NCOA7: variants seen among roughly 807,000 people sequenced by gnomAD.
NCOA7 encodes nuclear receptor coactivator 7.
In NCOA7, 45 loss-of-function variants were observed where a neutral mutation model predicts 104.3. The observed-to-expected ratio is 0.43, with a 90% CI of 0.34 to 0.55. The LOEUF is 0.55. Ranked by LOEUF, NCOA7 falls within the 20% of genes least tolerant of loss-of-function variation. NCOA7 has a pLI of 0.02. For missense variants in NCOA7, 1,041 were observed against 1,119.7 expected (o/e 0.93, Z 1.00); for synonymous variants, 398 against 402.3 (o/e 0.99, Z 0.13).
At chr6:125,892,509 A>G (rs900540367) in intron 10 of NCOA7, among the ~76,000 whole-genome samples, 3 of 152,106 alleles carry the variant, frequency 2.0e-5, no homozygotes, top group Non-Finnish European at 2.9e-5. Flanking sequence ...CATCTCTACT[A>G]AAAACACAAA....
intron 8 of NCOA7, among the ~76,000 whole-genome samples, chr6:125,887,827 A>G (rs1423284830): frequency 6.6e-6 from 1 of 152,214 alleles, no homozygotes; most frequent in Non-Finnish European, 1.5e-5. Context: ...ACCCAGTAAT[A>G]GTACTACTAG....
intron 1 of NCOA7, among the ~76,000 whole-genome samples, chr6:125,804,435 T>G (rs1776222209): frequency 6.6e-6 from 1 of 152,158 alleles, no homozygotes; most frequent in South Asian, 2.1e-4. Flanking sequence ...TTGTGACAGG[T>G]AATCAAAAGC....
chr6:125,858,231 T>C lies in NCOA7; in HGVS notation c.271+2991T>C, dbSNP rs114766085. On this transcript the variant is annotated intron_variant, in intron 3 of 15. Coordinates refer to ENST00000392477, the MANE Select transcript of NCOA7 (RefSeq NM_181782.5). ...AGTGTGCATTGAAAGGAATAGTTAA[T>C]ACATAGATAAATGAATATTTTTAAT... Among the ~76,000 whole-genome samples the C allele has an allele frequency of 2.5e-3, 380 of 152,250 alleles. 3 individuals are homozygous for C. Among genetic ancestry groups the C allele is most frequent in the African/African-American group, 7.0e-3 (291 of 41,546 alleles).
intron 10 of NCOA7, among the ~76,000 whole-genome samples, chr6:125,899,705 C>T (rs1785323591): frequency 6.6e-6 from 1 of 152,146 alleles, no homozygotes; most frequent in South Asian, 2.1e-4. Flanking sequence ...ACACTGCTTG[C>T]TCTCCCTTCC....
At chr6:125,885,836 A>G (rs770554987) in intron 8 of NCOA7, among the ~76,000 whole-genome samples, 7 of 152,212 alleles carry the variant, frequency 4.6e-5, no homozygotes, top group Non-Finnish European at 1.0e-4. Flanking sequence ...CCACCTTCTC[A>G]TGCTGTGAAG....
At chr6:125,826,985 G>A (rs571444344) in intron 2 of NCOA7, among the ~76,000 whole-genome samples, 3 of 152,100 alleles carry the variant, frequency 2.0e-5, no homozygotes, top group South Asian at 2.1e-4. Context: ...ATCACCTGAG[G>A]TCAGGAGTTT....
chr6:125,804,790 A>T (rs201009123), intron 1 of NCOA7, among the ~76,000 whole-genome samples: 73 of 152,196 alleles, frequency 4.8e-4, no homozygotes, highest in East Asian at 2.9e-3. Flanking sequence ...ATTTTTTTTT[A>T]AAAAAAGAAA....
intron 10 of NCOA7, among the ~76,000 whole-genome samples, chr6:125,894,768 CT>C (rs78480319): frequency 1.4e-3 from 185 of 136,278 alleles, no homozygotes; most frequent in Middle Eastern, 3.8e-3. Context: ...GCAAGCTGTA[CT>C]TTTTTTTTTT....
chr6:125,789,196 T>C (rs1774621875), upstream of NCOA7, among the ~76,000 whole-genome samples: 1 of 152,174 alleles, frequency 6.6e-6, no homozygotes. Context: ...ATAATAATAG[T>C]TATCTTTTGA....
intron 2 of NCOA7, among the ~76,000 whole-genome samples, chr6:125,825,858 C>T (rs1281405786): frequency 2.0e-5 from 3 of 151,644 alleles, no homozygotes; most frequent in Admixed American, 6.6e-5. Flanking sequence ...TTTATATAAA[C>T]GATATTCTTA....
At chr6:125,781,225 G>A (rs1200962822) in exon 1 of NCOA7, 2 of 152,216 alleles carry the variant, frequency 1.3e-5, no homozygotes, top group Non-Finnish European at 2.9e-5. Context: ...AATGTCAGCC[G>A]TTATAGTTGA....
intron 3 of NCOA7, among the ~76,000 whole-genome samples, chr6:125,864,862 C>G (rs374889063): frequency 2.9e-5 from 4 of 137,760 alleles, no homozygotes; most frequent in South Asian, 2.2e-4. Flanking sequence ...GTGAAATTGG[C>G]TTTCATATTT....
At chr6:125,783,024 A>G (rs1774296405) in intron 1 of NCOA7, among the ~76,000 whole-genome samples, 1 of 152,204 alleles carries the variant, frequency 6.6e-6, no homozygotes, top group African/African-American at 2.4e-5. Context: ...GCTGCCTTTG[A>G]AAAGGGAGGA....
intron 10 of NCOA7, among the ~76,000 whole-genome samples, chr6:125,905,189 G>C (rs1785865560): frequency 6.6e-6 from 1 of 151,916 alleles, no homozygotes; most frequent in South Asian, 2.1e-4. Flanking sequence ...AGATACTGCT[G>C]ATGTTTACAG....
intron 13 of NCOA7, among the ~76,000 whole-genome samples, chr6:125,925,936 AG>A (rs1787986931): frequency 1.3e-5 from 2 of 152,244 alleles, no homozygotes; most frequent in Admixed American, 1.3e-4. Context: ...ACAATGCAAT[AG>A]ATCTAACAAA....
At chr6:125,837,899 T>C (rs865944655) in intron 2 of NCOA7, among the ~76,000 whole-genome samples, 12 of 152,238 alleles carry the variant, frequency 7.9e-5, no homozygotes, top group African/African-American at 2.9e-4. Context: ...ATGCTGCTCT[T>C]AGTTGTATGA....
At chr6:125,800,148 G>C (rs552870614) in intron 1 of NCOA7, among the ~76,000 whole-genome samples, 34 of 152,132 alleles carry the variant, frequency 2.2e-4, no homozygotes, top group Non-Finnish European at 4.4e-4. Flanking sequence ...TTAAAATATT[G>C]CTTGTTTGAT....
intron 2 of NCOA7, among the ~76,000 whole-genome samples, chr6:125,845,198 G>A (rs1194366453): frequency 6.6e-6 from 1 of 152,112 alleles, no homozygotes; most frequent in Non-Finnish European, 1.5e-5. Context: ...GCAATGACAA[G>A]GCTGCAGCCA....
intron 12 of NCOA7, among the ~76,000 whole-genome samples, chr6:125,921,346 G>A (rs911269907): frequency 6.6e-6 from 1 of 152,036 alleles, no homozygotes; most frequent in African/African-American, 2.4e-5. Context: ...GGAGGTGGAG[G>A]TTGCAGTGAG....
Sources: gnomAD v4.1 joint callset for allele counts (sites outside exome capture counted in the v4.1 genomes callset) on GRCh38, gnomAD v4.1.1 for gene constraint, MANE v1.5 for transcripts, NCBI Gene and HGNC (gene_info 2026-07-23, HGNC 2026-07-21) for gene names.